The following EIF3H variants were observed in gnomAD, a reference collection of about 807,000 sequenced individuals.
The protein encoded by EIF3H is eIF-3-gamma.
EIF3H carries 26 observed loss-of-function variants against 44.2 expected under a neutral mutation model. That is an observed-to-expected ratio of 0.59 (90% CI 0.43 to 0.82). The LOEUF is 0.82. EIF3H is among the 40% of genes least tolerant of loss of function. The pLI, the probability that EIF3H is intolerant of heterozygous loss-of-function variation, is 0.00. For missense variants in EIF3H, 359 were observed against 432.8 expected, an observed-to-expected ratio of 0.83 and a Z score of 1.51; for synonymous variants, 166 against 151.9, an observed-to-expected ratio of 1.09 and a Z score of -0.68.
chr8:116,655,724 G>GA, intron 5 of EIF3H, 132 bp downstream of exon 5: 1 of 937,984 alleles, frequency 1.1e-6, no homozygotes, highest in Non-Finnish European at 1.6e-6. Flanking sequence ...ATTACTCCAT[G>GA]TTATACATGT....
At chr8:116,726,823 T>C (rs1218471272) in intron 1 of EIF3H, among the ~76,000 whole-genome samples, 1 of 152,170 alleles carries the variant, frequency 6.6e-6, no homozygotes, top group African/African-American at 2.4e-5. Context: ...CCCATAAAGA[T>C]AAGAGGTAAC....
At chr8:116,719,961 G>A (rs1814717273) in intron 2 of EIF3H, among the ~76,000 whole-genome samples, 1 of 152,084 alleles carries the variant, frequency 6.6e-6, no homozygotes, top group Non-Finnish European at 1.5e-5. Context: ...AAAAACCATG[G>A]TATTTGGAAT....
At chr8:116,749,328 C>T (rs1047886380) in intron 1 of EIF3H, among the ~76,000 whole-genome samples, 1 of 152,122 alleles carries the variant, frequency 6.6e-6, no homozygotes, top group African/African-American at 2.4e-5. Context: ...AGGAAGAGAG[C>T]AAGCTTCTTC....
intron 2 of EIF3H, among the ~76,000 whole-genome samples, chr8:116,675,529 A>G (rs1813834882): frequency 6.6e-6 from 1 of 152,228 alleles, no homozygotes; most frequent in Non-Finnish European, 1.5e-5. Context: ...AAGTGTCTCC[A>G]AACACCTCCT....
chr8:116,646,418 T>G, intron 7 of EIF3H, 53 bp downstream of exon 7: 1 of 1,612,788 alleles, frequency 6.2e-7, no homozygotes, highest in South Asian at 1.1e-5. Flanking sequence ...CACTGTCTTC[T>G]GCTTCCTAAG....
intron 2 of EIF3H, among the ~76,000 whole-genome samples, chr8:116,704,921 C>A (rs774880704): frequency 2.6e-5 from 4 of 152,060 alleles, no homozygotes; most frequent in Non-Finnish European, 5.9e-5. Context: ...TGATAGTGGC[C>A]AAAGGTACAT....
At chr8:116,669,047 G>GT (rs1813711511) in intron 2 of EIF3H, among the ~76,000 whole-genome samples, 1 of 152,080 alleles carries the variant, frequency 6.6e-6, no homozygotes, top group Non-Finnish European at 1.5e-5. Context: ...ACTGGAGATT[G>GT]TATGTGTCAC....
chr8:116,697,375 C>T, intron 2 of EIF3H: 1 of 365,516 alleles, frequency 2.7e-6, no homozygotes, highest in South Asian at 2.1e-5. Context: ...AACCCAATTG[C>T]TGGTCAGTGT....
At chr8:116,693,725 C>A (rs1272628738) in intron 2 of EIF3H, among the ~76,000 whole-genome samples, 1 of 152,000 alleles carries the variant, frequency 6.6e-6, no homozygotes, top group Non-Finnish European at 1.5e-5. Context: ...CTCTGTCTCC[C>A]AGGCTGGAAT....
Position 116,643,664 on chromosome 8 carries a change from A to G in EIF3H, c.*1342T>C, listed in dbSNP as rs568560729. ...AAAAAGTGAGGCACAGGGAGGTTAA[A>G]TAACTTAGGAAAAGGAGGAGCCAGG... On this transcript the variant is annotated 3_prime_UTR_variant, in exon 8 of 8. Transcript: ENST00000521861. 3 of 152,346 alleles carry G rather than the reference A, an allele frequency of 2.0e-5. No homozygotes were observed. In the East Asian group the frequency reaches 5.8e-4, roughly 29 times the overall value. 9.4% of individuals were successfully genotyped at this position (152,346 alleles called of 1,614,324 possible).
intron 2 of EIF3H, among the ~76,000 whole-genome samples, chr8:116,712,614 T>C (rs1231978136): frequency 6.6e-6 from 1 of 152,154 alleles, no homozygotes; most frequent in East Asian, 1.9e-4. Context: ...TGGAGAAGTG[T>C]TAACGGTATG....
At chr8:116,726,979 T>C (rs1046075757) in intron 1 of EIF3H, among the ~76,000 whole-genome samples, 1 of 152,232 alleles carries the variant, frequency 6.6e-6, no homozygotes, top group Admixed American at 6.5e-5. Context: ...TATGAGCCCA[T>C]GGCCTGAAGA....
At chr8:116,648,950 G>A (rs1416003463) in intron 5 of EIF3H, 24 bp from the exon 6 acceptor site, 2 of 1,590,678 alleles carry the variant, frequency 1.3e-6, no homozygotes, top group African/African-American at 2.7e-5. Flanking sequence ...TAAATATACT[G>A]ACAAGTCTTA....
intron 2 of EIF3H, among the ~76,000 whole-genome samples, chr8:116,720,963 C>T (rs970421546): frequency 2.0e-5 from 3 of 151,860 alleles, no homozygotes; most frequent in African/African-American, 4.8e-5. Flanking sequence ...CCTAACAATG[C>T]GATAGAAAAG....
chr8:116,671,033 A>G (rs1813744565), intron 2 of EIF3H, among the ~76,000 whole-genome samples: 1 of 152,246 alleles, frequency 6.6e-6, no homozygotes, highest in South Asian at 2.1e-4. Context: ...AACAGATCAA[A>G]TAATTATCTT....
chr8:116,695,001 A>G (rs1814244234), intron 2 of EIF3H, among the ~76,000 whole-genome samples: 1 of 152,202 alleles, frequency 6.6e-6, no homozygotes, highest in Admixed American at 6.5e-5. Flanking sequence ...TTTAAAAAGA[A>G]AGTGAAACAA....
At chr8:116,682,610 C>G (rs1814008644) in intron 2 of EIF3H, among the ~76,000 whole-genome samples, 2 of 152,288 alleles carry the variant, frequency 1.3e-5, no homozygotes, top group East Asian at 3.9e-4. Context: ...TTAAATTACT[C>G]ACAATAGGTA....
At chr8:116,716,954 G>C (rs1814668529) in intron 2 of EIF3H, among the ~76,000 whole-genome samples, 1 of 151,984 alleles carries the variant, frequency 6.6e-6, no homozygotes, top group South Asian at 2.1e-4. Flanking sequence ...ACCTCCCCGA[G>C]GTGGATGGCA....
intron 1 of EIF3H, among the ~76,000 whole-genome samples, chr8:116,746,846 A>G (rs575954421): frequency 6.6e-6 from 1 of 152,232 alleles, no homozygotes; most frequent in African/African-American, 2.4e-5. Flanking sequence ...ATAATCCTGC[A>G]TAACTGGTTT....
Sources: allele counts gnomAD v4.1 joint callset (sites outside exome capture counted in the v4.1 genomes callset), GRCh38; gene constraint gnomAD v4.1.1; transcripts MANE v1.5; gene names NCBI Gene and HGNC (gene_info 2026-07-23, HGNC 2026-07-21).